The following RTN1 variants were observed in gnomAD, a reference collection of about 807,000 sequenced individuals.
RTN1 encodes the protein reticulon-1.
RTN1 carries 25 observed loss-of-function variants against 65.5 expected under a neutral mutation model. That is an observed-to-expected ratio of 0.38 (90% confidence interval 0.28 to 0.53). RTN1 has a LOEUF of 0.53. Ranked by LOEUF, RTN1 falls within the 20% of genes least tolerant of loss-of-function variation. The pLI, the probability that RTN1 is intolerant of heterozygous loss-of-function variation, is 0.79. For missense variants in RTN1, 983 were observed against 1,025.4 expected (o/e 0.96, Z 0.57); for synonymous variants, 471 against 447.6 (o/e 1.05, Z -0.66).
intron 3 of RTN1, among the ~76,000 whole-genome samples, chr14:59,725,409 T>C (rs997358851): frequency 6.6e-6 from 1 of 152,250 alleles, no homozygotes; most frequent in Admixed American, 6.5e-5. Flanking sequence ...CAAGCTTGAC[T>C]GTTTTGGGGC....
intron 3 of RTN1, among the ~76,000 whole-genome samples, chr14:59,626,321 C>A (rs1324043524): frequency 2.6e-5 from 4 of 152,156 alleles, no homozygotes; most frequent in Non-Finnish European, 5.9e-5. Context: ...AAAAAGATTG[C>A]CTTTAGGTTA....
At position 59,746,287 on chromosome 14, in the gene RTN1, G is replaced by A. The variant is rs201772224; in HGVS notation, c.436C>T (p.Pro146Ser). The stretch of plus-strand genomic sequence containing the variant: ...GGCACATCTGGTAAGGAGGGGCCGG[G>A]TGTACCCAGCTCCTCAGGGCTCTCT... ...ISESPEELGTPGPSLPDVPGI... is the reference protein window; with the variant it reads ...ISESPEELGTSGPSLPDVPGI... Residue 146 changes from proline to serine, a missense_variant, in exon 2 of 9, where the codon CCC (proline) becomes TCC (serine). Pro to Ser is a moderately conservative substitution (Grantham distance 74). Around this residue, in one of 2 missense-constraint regions of RTN1, gnomAD observed 818 missense variants for 801.8 expected, o/e 1.02. Transcript: ENST00000267484. The A allele has an allele frequency of 7.2e-5, 116 of 1,613,698 alleles. 1 individual carries two copies. The highest frequency in any genetic ancestry group is 3.3e-5 in the South Asian group (3 of 91,014).
chr14:59,681,518 T>C (rs942623667), intron 3 of RTN1, among the ~76,000 whole-genome samples: 1 of 152,126 alleles, frequency 6.6e-6, no homozygotes, highest in African/African-American at 2.4e-5. Flanking sequence ...CAGTAGGCAC[T>C]GGGAAATAAT....
chr14:59,639,646 T>C (rs904534219), intron 3 of RTN1, among the ~76,000 whole-genome samples: 2 of 152,202 alleles, frequency 1.3e-5, no homozygotes, highest in Admixed American at 1.3e-4. Context: ...ATTTTTACTA[T>C]GAAGTATGAT....
At chr14:59,772,706 A>C (rs932821943) in intron 1 of RTN1, among the ~76,000 whole-genome samples, 6 of 152,160 alleles carry the variant, frequency 3.9e-5, no homozygotes, top group African/African-American at 1.4e-4. Context: ...CCCAAGATGA[A>C]CGAGGCTCAT....
chr14:59,614,298 A>T (rs1047037406), intron 3 of RTN1, among the ~76,000 whole-genome samples: 17 of 152,118 alleles, frequency 1.1e-4, no homozygotes, highest in Admixed American at 7.9e-4. Context: ...CTAGAAATTC[A>T]TGTTTTCCTG....
In RTN1 at chr14:59,825,026, C is replaced by A. The variant is rs908277921; in HGVS notation, c.241+45364G>T. On this transcript the variant is annotated intron_variant, in intron 1 of 8. Coordinates refer to ENST00000267484, the MANE Select transcript of RTN1 (RefSeq NM_021136.3). This position sits in a 1 kb window ranked among gnomAD's most constrained non-coding sequence, Gnocchi z 4.2. ...AGAGATGCTGGTCAAAGGGTAAAAA[C>A]TTTCAGTTACAAGATAAATAAGTTC... Among the ~76,000 whole-genome samples the A allele has an allele frequency of 6.6e-6, 1 of 152,132 alleles. No individual in the cohort carries two copies. The highest frequency in any genetic ancestry group is 1.5e-5 in the Non-Finnish European group (1 of 68,024).
chr14:59,720,988 G>A (rs1433106294), intron 3 of RTN1, among the ~76,000 whole-genome samples: 2 of 152,018 alleles, frequency 1.3e-5, no homozygotes, highest in African/African-American at 2.4e-5. Flanking sequence ...AACACATACA[G>A]GACTAGGGTA....
intron 1 of RTN1, among the ~76,000 whole-genome samples, chr14:59,783,245 G>C (rs1021245571): frequency 6.6e-6 from 1 of 152,172 alleles, no homozygotes; most frequent in Non-Finnish European, 1.5e-5. Flanking sequence ...AGTTTCCACT[G>C]TATGTGCAAT....
At position 59,870,603 on chromosome 14, in the gene RTN1, C is replaced by G; in HGVS notation, c.28G>C (p.Glu10Gln). The change falls in exon 1 of 9, where the codon GAG (glutamate) becomes CAG (glutamine). Residue 10 changes from glutamate to glutamine, a missense_variant. By Grantham distance (29) the Glu-to-Gln change is conservative (BLOSUM62 2). Coordinates refer to ENST00000267484, the MANE Select transcript of RTN1 (RefSeq NM_021136.3). This position sits in a 1 kb window ranked among gnomAD's most constrained non-coding sequence, Gnocchi z 5.1. The part of the protein sequence containing the change: MAAPGDPQD[E>Q]LLPLAGPGSQ... ...CCGGGGCCGGCCAGCGGCAGCAGCT[C>G]GTCCTGCGGATCCCCCGGCGCGGCC... The G allele has an allele frequency of 7.0e-7, 1 of 1,433,862 alleles. No homozygotes were observed. Among genetic ancestry groups the G allele is most frequent in the Non-Finnish European group, 9.1e-7 (1 of 1,098,122 alleles). The allele number at this position is 1,433,862 out of a possible 1,614,324, so 88.8% of individuals were successfully genotyped here.
chr14:59,724,474 G>C (rs1594701273), intron 3 of RTN1, among the ~76,000 whole-genome samples: 1 of 152,218 alleles, frequency 6.6e-6, no homozygotes, highest in South Asian at 2.1e-4. Context: ...AGCTTCAGTG[G>C]ACAAGAGCAG....
chr14:59,861,954 C>T (rs1233705738), intron 1 of RTN1, among the ~76,000 whole-genome samples: 1 of 152,112 alleles, frequency 6.6e-6, no homozygotes, highest in Non-Finnish European at 1.5e-5. Flanking sequence ...CCAAATTTGG[C>T]CTGCCTAGAA....
chr14:59,748,684 A>G (rs750272197), intron 1 of RTN1, among the ~76,000 whole-genome samples: 1 of 152,262 alleles, frequency 6.6e-6, no homozygotes, highest in East Asian at 1.9e-4. Context: ...GGTAAGCTCC[A>G]TAAGGGCAGG....
intron 1 of RTN1, among the ~76,000 whole-genome samples, chr14:59,771,250 C>T (rs1885952752): frequency 6.6e-6 from 1 of 152,138 alleles, no homozygotes; most frequent in South Asian, 2.1e-4. Flanking sequence ...CAAGAAGCTA[C>T]CTGTGGCCAT....
At chr14:59,841,230 A>C (rs1887305594) in intron 1 of RTN1, among the ~76,000 whole-genome samples, 1 of 152,232 alleles carries the variant, frequency 6.6e-6, no homozygotes, top group African/African-American at 2.4e-5. Flanking sequence ...GGAGAGTAAA[A>C]AATGCTTTTA....
At chr14:59,716,446 T>C (rs1356366362) in intron 3 of RTN1, among the ~76,000 whole-genome samples, 7 of 152,214 alleles carry the variant, frequency 4.6e-5, no homozygotes, top group Admixed American at 2.0e-4. Flanking sequence ...AGAGGCCAAA[T>C]GGTCTAGCCT....
chr14:59,734,202 T>A (rs1419988782), intron 2 of RTN1, among the ~76,000 whole-genome samples: 1 of 151,560 alleles, frequency 6.6e-6, no homozygotes, highest in African/African-American at 2.4e-5. Flanking sequence ...ACAAAAACAA[T>A]AACAAACCCA....
chr14:59,617,059 T>C (rs1351806673), intron 3 of RTN1, among the ~76,000 whole-genome samples: 1 of 152,272 alleles, frequency 6.6e-6, no homozygotes, highest in African/African-American at 2.4e-5. Flanking sequence ...ATTGCATAAG[T>C]GTAATAACAA....
At chr14:59,608,635 G>A (rs1345760270) in intron 3 of RTN1, among the ~76,000 whole-genome samples, 1 of 152,154 alleles carries the variant, frequency 6.6e-6, no homozygotes, top group African/African-American at 2.4e-5. Flanking sequence ...ATAACAGGCT[G>A]AGGATACTCC....
Sources: allele counts gnomAD v4.1 joint callset (sites outside exome capture counted in the v4.1 genomes callset), GRCh38; gene constraint gnomAD v4.1.1; regional missense constraint gnomAD v4.1.1; non-coding constraint Gnocchi (gnomAD v3.1); transcripts MANE v1.5; gene names NCBI Gene and HGNC (gene_info 2026-07-23, HGNC 2026-07-21).